FAAP20: variants seen among roughly 807,000 people sequenced by gnomAD.
FAAP20 encodes the protein FA core complex associated protein 20.
FAAP20 carries 12 observed loss-of-function variants against 16.2 expected under a neutral mutation model. The observed-to-expected ratio is 0.74, with a 90% confidence interval of 0.48 to 1.20. The LOEUF (loss-of-function observed/expected upper bound fraction) is 1.20. FAAP20 is among the 50% of genes most tolerant of loss of function. The probability of loss-of-function intolerance (pLI) is 0.00; values close to 1 mark genes in which losing one functional copy is unlikely to be tolerated. For synonymous variants in FAAP20, 141 were observed against 110.7 expected (o/e 1.27, Z -1.72); for missense variants, 288 against 245.8 (o/e 1.17, Z -1.15).
chr1:2,187,306 T>TA, downstream of FAAP20: 1 of 392,904 alleles, frequency 2.5e-6, no homozygotes, highest in South Asian at 2.0e-5. Context: ...TCTTTTTCTT[T>TA]TTTTTTTCTT....
At chr1:2,197,441 G>A (rs913280113), upstream of FAAP20, among the ~76,000 whole-genome samples, 5 of 152,346 alleles carry the variant, frequency 3.3e-5, no homozygotes, top group Admixed American at 6.5e-5. Flanking sequence ...CTCTCGCTGC[G>A]GGTGCCCCAA....
At chr1:2,211,089 G>T (rs1448991942), downstream of FAAP20, among the ~76,000 whole-genome samples, 2 of 152,170 alleles carry the variant, frequency 1.3e-5, no homozygotes, top group Non-Finnish European at 2.9e-5. Context: ...ATGCCCTTGG[G>T]CACCACGGCG....
chr1:2,202,450 A>C (rs965139584), upstream of FAAP20, among the ~76,000 whole-genome samples: 5 of 151,882 alleles, frequency 3.3e-5, no homozygotes, highest in African/African-American at 1.2e-4. Context: ...GCAATCCTCA[A>C]CACCTCTTTA....
rs1400618061 is a variant in FAAP20 at position 2,193,826 on chromosome 1, A to C, written c.283T>G (p.Trp95Gly). The change falls in exon 3 of 4, where the codon TGG (tryptophan) becomes GGG (glycine). Residue 95 changes from tryptophan (W) to glycine (G), a missense_variant. Transcript: ENST00000378546. ...AGCCGGTAGGAACGGCCCGGGCCCC[A>C]CAGGTCCGGCGGAAAGGGTGTCCAG... ...FSWTPFPPDL[W>G]GPGRSYRLLH... 6.2e-7 allele frequency: 1 copy of C among 1,610,924 alleles called. No individual in the cohort carries two copies. Among genetic ancestry groups the C allele is most frequent in the East Asian group, 2.2e-5 (1 of 44,848 alleles).
At chr1:2,199,326 C>A (rs1310079888), upstream of FAAP20, 3 of 1,037,072 alleles carry the variant, frequency 2.9e-6, no homozygotes, top group South Asian at 6.0e-5. This position sits in a 1 kb window ranked among gnomAD's most constrained non-coding sequence, Gnocchi z 4.5. Flanking sequence ...ACTCAGCCCC[C>A]ACCCAGGGGC....
At chr1:2,195,220 T>C (rs1688760391), upstream of FAAP20, among the ~76,000 whole-genome samples, 2 of 152,326 alleles carry the variant, frequency 1.3e-5, no homozygotes, top group South Asian at 4.1e-4. Context: ...TCAAGCTCCT[T>C]AACCAAGAAA....
At chr1:2,198,409 G>A (rs1688909748), upstream of FAAP20, 1 of 373,620 alleles carries the variant, frequency 2.7e-6, no homozygotes, top group Non-Finnish European at 4.9e-6. Flanking sequence ...CCAGCCCACT[G>A]AGCTGGTTTC....
chr1:2,201,076 A>G (rs1432778752), upstream of FAAP20: 34 of 1,289,302 alleles, frequency 2.6e-5, no homozygotes, highest in Non-Finnish European at 3.3e-5. Context: ...TCCACTTGTC[A>G]TAGGAAACTG....
At position 2,190,111 on chromosome 1, in the gene FAAP20, C is replaced by T. The variant is rs186277075; in HGVS notation, c.471-330G>A. The T allele has an allele frequency of 1.5e-4, 79 of 533,202 alleles. 2 individuals carry two copies. The highest frequency in any genetic ancestry group is 1.2e-3 in the African/African-American group (66 of 53,092). The allele number at this position is 533,202 out of a possible 1,614,324, so 33.0% of individuals were successfully genotyped here. On this transcript the variant is annotated intron_variant, in intron 3 of 3. Transcript: ENST00000378546. ...CTCATCGTGGAGCCCGGCAGACAGG[C>T]GGCCTGACCCGGAGAAAAGGCAGGA...
downstream of FAAP20, chr1:2,185,189 T>C (rs1017752535): frequency 2.8e-5 from 20 of 715,762 alleles, no homozygotes; most frequent in Non-Finnish European, 4.3e-5. Context: ...CCCTCACACC[T>C]GGGCCCGGGC....
At chr1:2,197,022 G>A (rs2100718283), upstream of FAAP20, among the ~76,000 whole-genome samples, 4 of 152,180 alleles carry the variant, frequency 2.6e-5, no homozygotes, top group Middle Eastern at 0.01. Flanking sequence ...CTCCTCTATG[G>A]CCCCCACATG....
chr1:2,190,101 G>C, intron 3 of FAAP20: 1 of 548,408 alleles, frequency 1.8e-6, no homozygotes, highest in Non-Finnish European at 3.5e-6. Flanking sequence ...CGTGGAGCCC[G>C]GCAGACAGGC....
downstream of FAAP20, among the ~76,000 whole-genome samples, chr1:2,188,805 A>T (rs1356083178): frequency 6.6e-5 from 10 of 151,920 alleles, no homozygotes; most frequent in Non-Finnish European, 1.5e-4. Flanking sequence ...GGAGATCAAG[A>T]CCATCCTGGC....
intron 3 of FAAP20, chr1:2,190,011 G>A: frequency 1.6e-6 from 1 of 611,146 alleles, no homozygotes. Flanking sequence ...CCCTGCGTCC[G>A]AGCTGGGGGT....
At chr1:2,187,738 C>T (rs1428760720), downstream of FAAP20, among the ~76,000 whole-genome samples, 1 of 152,222 alleles carries the variant, frequency 6.6e-6, no homozygotes, top group African/African-American at 2.4e-5. Flanking sequence ...CCACAGGACA[C>T]GCTGCTCACA....
downstream of FAAP20, chr1:2,185,919 A>G (rs921244944): frequency 1.8e-5 from 6 of 342,220 alleles, no homozygotes; most frequent in Non-Finnish European, 3.4e-5. Context: ...TGATGACCCT[A>G]CAAACACCCA....
At chr1:2,188,971 C>G (rs532711890), downstream of FAAP20, among the ~76,000 whole-genome samples, 3 of 148,548 alleles carry the variant, frequency 2.0e-5, no homozygotes, top group African/African-American at 5.0e-5. Context: ...CGCCACTGCA[C>G]TCCAGCCTGG....
chr1:2,202,862 C>T (rs1438337977), upstream of FAAP20, among the ~76,000 whole-genome samples: 1 of 152,214 alleles, frequency 6.6e-6, no homozygotes, highest in Non-Finnish European at 1.5e-5. Flanking sequence ...AGCAATCCTC[C>T]TGCCTTGGCC....
In FAAP20 at chr1:2,189,631, G is replaced by GGGAGCCGAGAGGCGGGGCTGCTGGCGGT; in HGVS notation, c.*77_*78insACCGCCAGCAGCCCCGCCTCTCGGCTCC. On this transcript the variant is annotated 3_prime_UTR_variant, in exon 4 of 4. Coordinates refer to ENST00000378546, the MANE Select transcript of FAAP20 (RefSeq NM_182533.4). The stretch of plus-strand genomic sequence containing the variant: ...AGCCGAGAGGCGGGGCTGCTGGCGG[G>GGGAGCCGAGAGGCGGGGCTGCTGGCGGT]GGAGCCGAGAGGCGGGGCTGCTGGC... 1 of 1,223,248 alleles carries GGGAGCCGAGAGGCGGGGCTGCTGGCGGT rather than the reference G, an allele frequency of 8.2e-7. No homozygotes were observed. 75.8% of individuals were successfully genotyped at this position (1,223,248 alleles called of 1,614,324 possible).
Sources: allele counts gnomAD v4.1 joint callset (sites outside exome capture counted in the v4.1 genomes callset), GRCh38; gene constraint gnomAD v4.1.1; non-coding constraint Gnocchi (gnomAD v3.1); transcripts MANE v1.5; gene names NCBI Gene and HGNC (gene_info 2026-07-23, HGNC 2026-07-21).